EPB41L5: variants seen among roughly 807,000 people sequenced by gnomAD.
EPB41L5 encodes band 4.1-like protein 5.
EPB41L5 carries 55 observed loss-of-function variants against 106.6 expected under a neutral mutation model. That is an observed-to-expected ratio of 0.52 (90% CI 0.42 to 0.65). The LOEUF is 0.65. EPB41L5 is among the 30% of genes least tolerant of loss of function. The pLI, the probability that EPB41L5 is intolerant of heterozygous loss-of-function variation, is 0.00. For synonymous variants in EPB41L5, 297 were observed against 306.7 expected (o/e 0.97, Z 0.33); for missense variants, 871 against 882.1 (o/e 0.99, Z 0.16).
chr2:120,119,125 G>A (rs1685090565), intron 16 of EPB41L5, among the ~76,000 whole-genome samples: 1 of 152,032 alleles, frequency 6.6e-6, no homozygotes, highest in South Asian at 2.1e-4. Context: ...TTGGCCGCAT[G>A]TATGTCTTTT....
chr2:120,147,712 CTT>C (rs1320587173), intron 20 of EPB41L5, among the ~76,000 whole-genome samples: 1 of 149,562 alleles, frequency 6.7e-6, no homozygotes, highest in Non-Finnish European at 1.5e-5. Flanking sequence ...TTATTGAAGT[CTT>C]TCAGAATAAA....
chr2:120,087,089 G>A lies in EPB41L5; in HGVS notation c.804-82G>A, dbSNP rs183712193. On this transcript the variant is annotated intron_variant, in intron 10 of 24. Transcript: ENST00000263713. ...TAGTTCAGGAGTTAGATGGTTAAATGTATTTGAAATAAAAACAATTTTTTT... is the reference window on the plus strand; with the variant it reads ...TAGTTCAGGAGTTAGATGGTTAAATATATTTGAAATAAAAACAATTTTTTT... 650 of 822,422 alleles carry A rather than the reference G, an allele frequency of 7.9e-4. 2 individuals carry two copies. Among genetic ancestry groups the A allele is most frequent in the Non-Finnish European group, 1.1e-3 (579 of 509,566 alleles). The allele number at this position is 822,422 out of a possible 1,614,324, so 50.9% of individuals were successfully genotyped here.
chr2:120,081,878 A>G (rs1337873507), intron 10 of EPB41L5, among the ~76,000 whole-genome samples: 1 of 152,114 alleles, frequency 6.6e-6, no homozygotes, highest in Non-Finnish European at 1.5e-5. Flanking sequence ...GCAATTGTGA[A>G]TGGGAGTTCA....
Position 120,174,846 on chromosome 2 carries a change from G to T in EPB41L5, c.2141G>T (p.Gly714Val). Residue 714 changes from glycine (G) to valine (V), a missense_variant, in exon 25 of 25, where the codon GGT (glycine) becomes GTT (valine). By Grantham distance (109) the Gly-to-Val change is moderately radical (BLOSUM62 -3). Transcript: ENST00000263713. ...CCATTCTCTCTTCCTTTCAGCTCTG[G>T]TCCCATTTTGGCAGAAGAAGCTGTC... ...PFLVDAVTSSGPILAEEAVLK... is the reference protein window; with the variant it reads ...PFLVDAVTSSVPILAEEAVLK... 2 of 1,614,064 alleles carry T rather than the reference G, an allele frequency of 1.2e-6. No homozygotes were observed. The highest frequency in any genetic ancestry group is 1.7e-6 in the Non-Finnish European group (2 of 1,179,992).
chr2:120,117,729 A>G (rs553338690), intron 16 of EPB41L5, among the ~76,000 whole-genome samples: 14 of 152,328 alleles, frequency 9.2e-5, no homozygotes, highest in African/African-American at 3.4e-4. Context: ...CCAACACCAT[A>G]ATCAAGATTC....
At chr2:120,087,038 G>A (rs1574634124) in intron 10 of EPB41L5, 133 bp from the exon 11 acceptor site, 3 of 563,524 alleles carry the variant, frequency 5.3e-6, no homozygotes, top group Non-Finnish European at 9.4e-6. Context: ...GGCATTGCAA[G>A]TTACGTTTAC....
chr2:120,061,031 G>GTGTTTTTTTTTTTTTTT, intron 3 of EPB41L5, among the ~76,000 whole-genome samples: 1 of 69,128 alleles, frequency 1.4e-5, no homozygotes, highest in Non-Finnish European at 2.5e-5. Context: ...GTTCAGGGAA[G>GTGTTTTTTTTTTTTTTT]TTTTTTTTTT....
At position 120,167,472 on chromosome 2, in the gene EPB41L5, TCCA is replaced by T. The variant is rs1244687370; in HGVS notation, c.1971_1973del (p.Thr658del). On this transcript the variant is annotated inframe_deletion, in exon 23 of 25. Coordinates refer to ENST00000263713, the MANE Select transcript of EPB41L5 (RefSeq NM_020909.4). ...ACATATAAAATTATTTCAGGTGTCT[TCCA>T]CATCCATGATCACACCCCGGTGGAT... 1 of 1,613,434 alleles carries T rather than the reference TCCA, an allele frequency of 6.2e-7. No individual in the cohort carries two copies. The highest frequency in any genetic ancestry group is 1.3e-5 in the African/African-American group (1 of 74,934).
At chr2:120,088,226 T>C (rs1416390924) in intron 11 of EPB41L5, among the ~76,000 whole-genome samples, 1 of 152,182 alleles carries the variant, frequency 6.6e-6, no homozygotes, top group Non-Finnish European at 1.5e-5. Context: ...CTTTTCCTGT[T>C]TTAAACACAC....
chr2:120,177,059 C>G lies in EPB41L5; in HGVS notation c.*2152C>G, dbSNP rs545376015. On this transcript the variant is annotated 3_prime_UTR_variant, in exon 25 of 25. Coordinates refer to ENST00000263713, the MANE Select transcript of EPB41L5 (RefSeq NM_020909.4). ...TCATACTTGAATGCTGAATTGGCCC[C>G]GACAGATTAAATGCGTGTTGGGGAT... 6.6e-6 allele frequency: 1 copy of G among 152,134 alleles called. No individual in the cohort carries two copies. Among genetic ancestry groups the G allele is most frequent in the South Asian group, 2.1e-4 (1 of 4,816 alleles). The allele number at this position is 152,134 out of a possible 1,614,324, so 9.4% of individuals were successfully genotyped here. A position where few individuals can be genotyped will look rare whatever the true frequency, so the allele number is the denominator to read the frequency against.
intron 20 of EPB41L5, among the ~76,000 whole-genome samples, chr2:120,159,762 A>G (rs952705687): frequency 2.0e-5 from 3 of 152,236 alleles, no homozygotes; most frequent in Admixed American, 6.5e-5. Context: ...ACCTACAACT[A>G]TCTGATCTTT....
chr2:120,106,607 T>C (rs1684466403), intron 16 of EPB41L5: 14 of 984,896 alleles, frequency 1.4e-5, no homozygotes, highest in Non-Finnish European at 1.7e-5. Context: ...TTAAGTATTA[T>C]GTCATTTAAT....
At chr2:120,076,318 GT>G (rs538987459) in intron 7 of EPB41L5, among the ~76,000 whole-genome samples, 2 of 149,222 alleles carry the variant, frequency 1.3e-5, no homozygotes, top group African/African-American at 4.9e-5. Flanking sequence ...CTTTTGTTTT[GT>G]TTTTTTTTGA....
At chr2:120,121,761 G>A (rs1056107736) in intron 16 of EPB41L5, among the ~76,000 whole-genome samples, 23 of 151,676 alleles carry the variant, frequency 1.5e-4, no homozygotes, top group African/African-American at 5.3e-4. Flanking sequence ...TTGAGGAATC[G>A]CCACAATGGT....
chr2:120,025,983 C>G (rs1304124516), intron 2 of EPB41L5, among the ~76,000 whole-genome samples: 1 of 152,116 alleles, frequency 6.6e-6, no homozygotes, highest in Non-Finnish European at 1.5e-5. Context: ...CCCATGCGGT[C>G]ATGGGTCAGA....
intron 21 of EPB41L5, among the ~76,000 whole-genome samples, chr2:120,163,960 T>TATTTTA (rs1558915710): frequency 3.0e-4 from 39 of 131,884 alleles, no homozygotes; most frequent in Non-Finnish European, 4.3e-4. Context: ...AAACAACTTT[T>TATTTTA]TTTTATTTTT....
At chr2:120,086,124 C>T (rs1401263050) in intron 10 of EPB41L5, among the ~76,000 whole-genome samples, 2 of 152,126 alleles carry the variant, frequency 1.3e-5, no homozygotes, top group Non-Finnish European at 2.9e-5. Flanking sequence ...TTGCTTGAAC[C>T]TGGGAGGTGG....
At chr2:120,023,139 G>A (rs1334129998) in intron 2 of EPB41L5, among the ~76,000 whole-genome samples, 2 of 152,100 alleles carry the variant, frequency 1.3e-5, no homozygotes, top group Non-Finnish European at 2.9e-5. Context: ...TTTGCCAGAT[G>A]ATAGTTTCTT....
chr2:120,027,243 G>A (rs1000166216), intron 2 of EPB41L5, among the ~76,000 whole-genome samples: 1 of 152,190 alleles, frequency 6.6e-6, no homozygotes, highest in Admixed American at 6.5e-5. Flanking sequence ...TGTAACGGAT[G>A]TTCATATCAG....
Sources: gnomAD v4.1 joint callset for allele counts (sites outside exome capture counted in the v4.1 genomes callset) on GRCh38, gnomAD v4.1.1 for gene constraint, MANE v1.5 for transcripts, NCBI Gene and HGNC (gene_info 2026-07-23, HGNC 2026-07-21) for gene names.